AGBL1: variants seen among roughly 807,000 people sequenced by gnomAD.
The protein encoded by AGBL1 is AGBL carboxypeptidase 1, also known as cytosolic carboxypeptidase 4.
In AGBL1, 130 loss-of-function variants were observed where a neutral mutation model predicts 118.9. The observed-to-expected ratio is 1.09, with a 90% confidence interval of 0.95 to 1.26. The LOEUF (loss-of-function observed/expected upper bound fraction) is 1.26, where lower values mean the gene tolerates loss of function less well. AGBL1 is among the 50% of genes most tolerant of loss of function. The probability of loss-of-function intolerance (pLI) is 0.00; values close to 1 mark genes in which losing one functional copy is unlikely to be tolerated. For synonymous variants in AGBL1, 555 were observed against 478.9 expected, an observed-to-expected ratio of 1.16 and a Z score of -2.08; for missense variants, 1,584 against 1,298.1, an observed-to-expected ratio of 1.22 and a Z score of -3.38.
At chr15:86,441,788 A>T (rs535131350) in intron 18 of AGBL1, among the ~76,000 whole-genome samples, 1 of 152,220 alleles carries the variant, frequency 6.6e-6, no homozygotes, top group African/African-American at 2.4e-5. Context: ...GTTAAGCCAG[A>T]ATCTTCTGTC....
chr15:86,753,442 G>A (rs1294941694), intron 22 of AGBL1, among the ~76,000 whole-genome samples: 3 of 134,462 alleles, frequency 2.2e-5, no homozygotes. Flanking sequence ...CTGTCGCCCA[G>A]GCTGGAGTGC....
At chr15:86,802,239 C>G (rs1457356860) in intron 22 of AGBL1, among the ~76,000 whole-genome samples, 1 of 151,702 alleles carries the variant, frequency 6.6e-6, no homozygotes, top group Non-Finnish European at 1.5e-5. Flanking sequence ...ATTATTATTC[C>G]CATTTTCAAA....
intron 16 of AGBL1, among the ~76,000 whole-genome samples, chr15:86,289,275 G>T (rs1237183351): frequency 6.6e-6 from 1 of 152,048 alleles, no homozygotes; most frequent in Non-Finnish European, 1.5e-5. Flanking sequence ...TATTTTCCAT[G>T]CCTCACCGCT....
chr15:86,399,777 G>A (rs1399456275), intron 18 of AGBL1, among the ~76,000 whole-genome samples: 2 of 152,162 alleles, frequency 1.3e-5, no homozygotes, highest in African/African-American at 4.8e-5. Context: ...GGTTGCTTTG[G>A]ATTCCCAAAT....
intron 22 of AGBL1, among the ~76,000 whole-genome samples, chr15:86,828,885 T>C (rs944658513): frequency 1.4e-5 from 2 of 145,954 alleles, no homozygotes; most frequent in Non-Finnish European, 3.0e-5. Flanking sequence ...TACAGTCATA[T>C]ATAATTCATA....
intron 18 of AGBL1, among the ~76,000 whole-genome samples, chr15:86,508,874 A>G (rs1021111860): frequency 9.2e-5 from 14 of 152,306 alleles, no homozygotes; most frequent in African/African-American, 2.6e-4. Flanking sequence ...GCTTTTAAAA[A>G]ATGCAAACAT....
intron 22 of AGBL1, among the ~76,000 whole-genome samples, chr15:86,790,178 C>T (rs555841827): frequency 6.6e-6 from 1 of 152,080 alleles, no homozygotes; most frequent in African/African-American, 2.4e-5. Flanking sequence ...CAGAAAGAAA[C>T]TTCAGGTGAG....
At chr15:86,961,654 A>G (rs960930241) in intron 23 of AGBL1, among the ~76,000 whole-genome samples, 2 of 152,076 alleles carry the variant, frequency 1.3e-5, no homozygotes, top group Non-Finnish European at 2.9e-5. Flanking sequence ...CATTCAACCC[A>G]AAACTCAGGA....
At chr15:86,117,306 C>A (rs1035344305) in intron 1 of AGBL1, among the ~76,000 whole-genome samples, 3 of 152,030 alleles carry the variant, frequency 2.0e-5, no homozygotes, top group African/African-American at 7.2e-5. Context: ...AGTCTGCTCT[C>A]CTGACCAACT....
chr15:86,509,946 A>ATTT (rs71144048), intron 18 of AGBL1, among the ~76,000 whole-genome samples: 59,051 of 142,398 alleles, frequency 0.41, 13,256 homozygotes, highest in East Asian at 0.65. Context: ...GCTGAAGCTC[A>ATTT]TTTTTTTTTT....
At chr15:86,257,220 T>G (rs1217375299) in intron 8 of AGBL1, among the ~76,000 whole-genome samples, 2 of 152,338 alleles carry the variant, frequency 1.3e-5, no homozygotes, top group East Asian at 3.9e-4. Context: ...CCAAGCTCGC[T>G]TATTTTGTTC....
chr15:86,804,286 G>C (rs1360575740), intron 22 of AGBL1, among the ~76,000 whole-genome samples: 2 of 152,172 alleles, frequency 1.3e-5, no homozygotes, highest in African/African-American at 4.8e-5. Flanking sequence ...CATATCTCAG[G>C]TTAATTGTCA....
At chr15:86,686,149 A>T (rs752459428) in intron 22 of AGBL1, among the ~76,000 whole-genome samples, 6 of 152,204 alleles carry the variant, frequency 3.9e-5, no homozygotes, top group African/African-American at 1.4e-4. Flanking sequence ...AGGACATGCA[A>T]TGATTTTTTA....
chr15:86,282,491 A>C (rs776027091), intron 16 of AGBL1, among the ~76,000 whole-genome samples: 4 of 152,208 alleles, frequency 2.6e-5, no homozygotes, highest in Admixed American at 1.3e-4. Context: ...CTCCTAAATG[A>C]ACAAAACAGG....
intron 18 of AGBL1, among the ~76,000 whole-genome samples, chr15:86,511,312 C>G (rs2083049943): frequency 6.6e-6 from 1 of 151,968 alleles, no homozygotes; most frequent in South Asian, 2.1e-4. Flanking sequence ...TTTCTTCAAA[C>G]AAAATTGGAC....
intron 22 of AGBL1, among the ~76,000 whole-genome samples, chr15:86,750,112 G>A (rs2077823867): frequency 6.6e-6 from 1 of 151,734 alleles, no homozygotes; most frequent in African/African-American, 2.4e-5. Flanking sequence ...TACTGCTAGA[G>A]GCAATAATTT....
At chr15:86,712,808 G>C (rs2086581567) in intron 22 of AGBL1, among the ~76,000 whole-genome samples, 1 of 152,160 alleles carries the variant, frequency 6.6e-6, no homozygotes, top group Non-Finnish European at 1.5e-5. Context: ...CTAGATACTT[G>C]ATTAGTGAAG....
At chr15:86,170,561 C>T (rs2077399784) in intron 5 of AGBL1, among the ~76,000 whole-genome samples, 1 of 152,072 alleles carries the variant, frequency 6.6e-6, no homozygotes, top group Non-Finnish European at 1.5e-5. Context: ...CTTCTCAAAA[C>T]CAGCCAGGTG....
chr15:86,791,339 T>C (rs968048575), intron 22 of AGBL1, among the ~76,000 whole-genome samples: 1 of 152,222 alleles, frequency 6.6e-6, no homozygotes, highest in Non-Finnish European at 1.5e-5. Flanking sequence ...TGAATAAGTA[T>C]TGAAACTCCA....
Sources: allele counts gnomAD v4.1 joint callset (sites outside exome capture counted in the v4.1 genomes callset), GRCh38; gene constraint gnomAD v4.1.1; transcripts MANE v1.5; gene names NCBI Gene and HGNC (gene_info 2026-07-23, HGNC 2026-07-21).